RAD17: variants seen among roughly 807,000 people sequenced by gnomAD.
The protein encoded by RAD17 is RAD17 checkpoint clamp loader component.
In RAD17, 31 loss-of-function variants were observed where a neutral mutation model predicts 81.5. That is an observed-to-expected ratio of 0.38 (90% CI 0.29 to 0.51). The LOEUF is 0.51. Among genes scored for constraint, RAD17 ranks in the 20% least tolerant of loss-of-function variants. RAD17 has a pLI of 0.88. For missense variants in RAD17, 681 were observed against 781.2 expected, an observed-to-expected ratio of 0.87 and a Z score of 1.53; for synonymous variants, 261 against 266.2, an observed-to-expected ratio of 0.98 and a Z score of 0.19.
intron 6 of RAD17, among the ~76,000 whole-genome samples, chr5:69,375,819 T>C (rs771510445): frequency 3.3e-5 from 5 of 151,938 alleles, no homozygotes; most frequent in African/African-American, 4.8e-5. Context: ...TTGGCTGTTA[T>C]ATATCTTAGG....
At chr5:69,375,434 A>G (rs917245492) in intron 6 of RAD17, among the ~76,000 whole-genome samples, 1 of 152,060 alleles carries the variant, frequency 6.6e-6, no homozygotes, top group Non-Finnish European at 1.5e-5. Flanking sequence ...TTGAACCCCC[A>G]AGGTAGAATA....
In RAD17 at chr5:69,372,125, TGAAA is replaced by T; in HGVS notation, c.-81_-78del. On this transcript the variant is annotated 5_prime_UTR_variant, in exon 4 of 19. An upstream open reading frame in the 5' UTR loses its in-frame stop. Transcript: ENST00000354868. ...ATTGCTGTCGAAAGTTTTACTATAA[TGAAA>T]GATATTTTCATACTCTCAAAAATAT... The T allele has an allele frequency of 6.6e-7, 1 of 1,505,746 alleles. No homozygotes were observed. Among genetic ancestry groups the T allele is most frequent in the Non-Finnish European group, 9.0e-7 (1 of 1,111,178 alleles). 93.3% of individuals were successfully genotyped at this position (1,505,746 alleles called of 1,614,324 possible).
At position 69,414,394 on chromosome 5, in the gene RAD17, A is replaced by G; in HGVS notation, c.*102A>G. ...ATGCTTTTCTGATGAATTACACAACAGTTTGTTAATTCTTCATTCTTGTAG... is the reference window on the plus strand; with the variant it reads ...ATGCTTTTCTGATGAATTACACAACGGTTTGTTAATTCTTCATTCTTGTAG... On this transcript the variant is annotated 3_prime_UTR_variant, in exon 19 of 19. Coordinates refer to ENST00000354868, the MANE Select transcript of RAD17 (RefSeq NM_133338.3). 7.8e-7 allele frequency: 1 copy of G among 1,280,412 alleles called. No homozygotes were observed. The highest frequency in any genetic ancestry group is 2.3e-5 in the East Asian group (1 of 42,802). The allele number at this position is 1,280,412 out of a possible 1,614,324, so 79.3% of individuals were successfully genotyped here.
chr5:69,374,730 T>TTTAAATATTTGATG lies in RAD17; in HGVS notation c.351+29_351+30insGATGTTAAATATTT. Reference sequence around the variant, plus strand: ...AAAACAGGTAACTAAGAAATGTGTTTTTAAATATTTAACATCAAATATTTT... The same window carrying TTTAAATATTTGATG: ...AAAACAGGTAACTAAGAAATGTGTTTTTAAATATTTGATGTTAAATATTTAACATCAAATATTTT... On this transcript the variant is annotated intron_variant, in intron 6 of 18. Coordinates refer to ENST00000354868, the MANE Select transcript of RAD17 (RefSeq NM_133338.3). 2.0e-6 allele frequency: 3 copies of TTTAAATATTTGATG among 1,532,884 alleles called. No homozygotes were observed. Among genetic ancestry groups the TTTAAATATTTGATG allele is most frequent in the African/African-American group, 1.4e-5 (1 of 72,540 alleles). 95.0% of individuals were successfully genotyped at this position (1,532,884 alleles called of 1,614,324 possible).
chr5:69,392,781 T>C (rs299080), intron 13 of RAD17: 222,666 of 446,126 alleles, frequency 0.5, 56,286 homozygotes, highest in South Asian at 0.54. Flanking sequence ...TGAATGGAAT[T>C]CGTATTCTTT....
At chr5:69,400,025 C>CTTT in intron 16 of RAD17, 24 bp from the exon 17 acceptor site, 5 of 1,313,036 alleles carry the variant, frequency 3.8e-6, no homozygotes, top group South Asian at 3.0e-5. Context: ...TTCCTTTCAT[C>CTTT]TTTTTTTTTT....
At chr5:69,380,846 G>A (rs977414623) in intron 6 of RAD17, among the ~76,000 whole-genome samples, 1 of 150,796 alleles carries the variant, frequency 6.6e-6, no homozygotes, top group Non-Finnish European at 1.5e-5. Flanking sequence ...GCTCATTGCA[G>A]CCTCCACCTC....
At chr5:69,385,163 T>C (rs779792789) in intron 8 of RAD17, among the ~76,000 whole-genome samples, 6 of 151,854 alleles carry the variant, frequency 4.0e-5, no homozygotes, top group South Asian at 4.1e-4. Context: ...GGTTTCACTG[T>C]GTTAGCCAGG....
rs374731712 is a variant in RAD17, at chr5:69,374,676, T to A, written c.316T>A (p.Leu106Ile). The change falls in exon 6 of 19, where the codon TTA becomes ATA. Residue 106 changes from leucine to isoleucine, a missense_variant. Coordinates refer to ENST00000354868, the MANE Select transcript of RAD17 (RefSeq NM_133338.3). ...KKKIEEVETW[L>I]KAQVLERQPK... Reference sequence around the variant, plus strand: ...GAAAATTGAAGAAGTCGAAACCTGGTTAAAAGCTCAAGTTTTAGAAAGGCA... The same window carrying A: ...GAAAATTGAAGAAGTCGAAACCTGGATAAAAGCTCAAGTTTTAGAAAGGCA... The A allele has an allele frequency of 8.1e-6, 13 of 1,612,272 alleles. No individual in the cohort carries two copies. The highest frequency in any genetic ancestry group is 1.1e-5 in the Non-Finnish European group (13 of 1,179,464).
chr5:69,394,358 C>T (rs1477874007), intron 15 of RAD17, among the ~76,000 whole-genome samples: 1 of 152,028 alleles, frequency 6.6e-6, no homozygotes, highest in South Asian at 2.1e-4. Flanking sequence ...CCACCATGCC[C>T]AGCCCCAGCT....
At chr5:69,393,552 A>C in intron 15 of RAD17, 52 bp downstream of exon 15, 1 of 1,494,198 alleles carries the variant, frequency 6.7e-7, no homozygotes, top group Non-Finnish European at 9.1e-7. Context: ...CCTTAGAATT[A>C]AGAAAAGAAA....
intron 16 of RAD17, among the ~76,000 whole-genome samples, chr5:69,398,962 C>T (rs1229217261): frequency 6.7e-6 from 1 of 149,904 alleles, no homozygotes; most frequent in Admixed American, 6.7e-5. Context: ...CACTAGAGCC[C>T]AGGAGTTTGA....
intron 11 of RAD17, 52 bp from the exon 12 acceptor site, chr5:69,388,982 G>A: frequency 1.0e-6 from 1 of 956,156 alleles, no homozygotes. Context: ...GTTTTTTGTT[G>A]TTGTTATTTT....
Position 69,414,076 on chromosome 5 carries a change from C to T in RAD17, c.1797C>T (p.Asp599=). 6.2e-7 allele frequency: 1 copy of T among 1,614,192 alleles called. No homozygotes were observed. The highest frequency in any genetic ancestry group is 8.5e-7 in the Non-Finnish European group (1 of 1,180,038). Residue 599 remains aspartate (D), a synonymous_variant, in exon 19 of 19, where the codon GAC becomes GAT. Transcript: ENST00000354868. ...ALTDREHGMI[D]PDSGDEAQLN... ...CTGACAGGGAACATGGAATGATAGA[C>T]CCTGACAGCGGAGATGAAGCCCAGC...
intron 18 of RAD17, among the ~76,000 whole-genome samples, chr5:69,411,997 C>T (rs1766037353): frequency 6.6e-6 from 1 of 151,990 alleles, no homozygotes; most frequent in Non-Finnish European, 1.5e-5. Flanking sequence ...AGCTTTATCG[C>T]CCAGGCTGGA....
intron 17 of RAD17, among the ~76,000 whole-genome samples, chr5:69,405,993 G>GA (rs1208519108): frequency 2.7e-5 from 4 of 149,562 alleles, no homozygotes; most frequent in Non-Finnish European, 5.9e-5. Flanking sequence ...TGTGAGCTGA[G>GA]ATTGTGTTGC....
At chr5:69,381,794 T>G in intron 6 of RAD17, 107 bp from the exon 7 acceptor site, 1 of 799,604 alleles carries the variant, frequency 1.3e-6, no homozygotes, top group Non-Finnish European at 1.9e-6. Flanking sequence ...TATGAGACAT[T>G]CAGCAAATAT....
chr5:69,373,490 A>G (rs1271672198), intron 4 of RAD17, among the ~76,000 whole-genome samples: 1 of 152,094 alleles, frequency 6.6e-6, no homozygotes, highest in African/African-American at 2.4e-5. Flanking sequence ...ACTTGAGCCC[A>G]AGAATTGTTT....
At chr5:69,412,714 C>T (rs984374380) in intron 18 of RAD17, among the ~76,000 whole-genome samples, 3 of 152,090 alleles carry the variant, frequency 2.0e-5, no homozygotes, top group Non-Finnish European at 2.9e-5. Context: ...ATAGGCCAGG[C>T]GCAGTGGCTC....
Sources: gnomAD v4.1 joint callset for allele counts (sites outside exome capture counted in the v4.1 genomes callset) on GRCh38, gnomAD v4.1.1 for gene constraint, MANE v1.5 for transcripts, NCBI Gene and HGNC (gene_info 2026-07-23, HGNC 2026-07-21) for gene names.